Variants in PRMT1 observed in about 807,000 individuals in gnomAD.
The protein encoded by PRMT1 is protein arginine N-methyltransferase 1.
Under a neutral mutation model 47.4 loss-of-function variants are expected in PRMT1, and 5 were observed. The ratio of observed to expected loss-of-function variants is 0.11; its 90% CI spans 0.06 to 0.22. PRMT1 has a LOEUF of 0.22. Among genes scored for constraint, PRMT1 ranks in the 10% least tolerant of loss-of-function variants. The pLI is 1.00. For synonymous variants in PRMT1, 227 were observed against 204.6 expected (o/e 1.11, Z -0.94); for missense variants, 249 against 518.4 (o/e 0.48, Z 5.05).
chr19:49,684,689 G>T lies in PRMT1; in HGVS notation c.556-65G>T. The stretch of plus-strand genomic sequence containing the variant: ...AGACCAGGGCAGGAGGCCACATCTT[G>T]GAGGCAAGACTCAGGGTAGTGTTGC... On this transcript the variant is annotated intron_variant, in intron 6 of 10. Coordinates refer to ENST00000454376, the MANE Select transcript of PRMT1 (RefSeq NM_001536.6). The surrounding 1 kb of genome is among the most constrained non-coding windows in gnomAD (Gnocchi z 6.2). The T allele has an allele frequency of 6.7e-7, 1 of 1,499,604 alleles. No individual in the cohort carries two copies. The highest frequency in any genetic ancestry group is 9.1e-7 in the Non-Finnish European group (1 of 1,103,616). The allele number at this position is 1,499,604 out of a possible 1,614,324, so 92.9% of individuals were successfully genotyped here.
Position 49,685,690 on chromosome 19 carries a change from C to G in PRMT1, c.760-403C>G, listed in dbSNP as rs1177621350. ...GGAGACTACAGGGGCAGGGACCCCA[C>G]TCGGGCCACCCTCCTGAGAGCCAGG... On this transcript the variant is annotated intron_variant, in intron 8 of 10. Transcript: ENST00000454376. This position sits in a 1 kb window ranked among gnomAD's most constrained non-coding sequence, Gnocchi z 4.7. 1 of 1,036,200 alleles carries G rather than the reference C, an allele frequency of 9.7e-7. No homozygotes were observed. The highest frequency in any genetic ancestry group is 1.2e-6 in the Non-Finnish European group (1 of 861,358). 64.2% of individuals were successfully genotyped at this position (1,036,200 alleles called of 1,614,324 possible).
rs1040169076 is a variant in PRMT1 at position 49,681,175 on chromosome 19, G to T, written c.192+587G>T. Reference sequence around the variant, plus strand: ...GGTGATCCCCCCACTTCCACTTTCGGAGTAGCTGGGACCACAGGCGCGCGC... The same window carrying T: ...GGTGATCCCCCCACTTCCACTTTCGTAGTAGCTGGGACCACAGGCGCGCGC... On this transcript the variant is annotated intron_variant, in intron 3 of 10. Coordinates refer to ENST00000454376, the MANE Select transcript of PRMT1 (RefSeq NM_001536.6). This position sits in a 1 kb window ranked among gnomAD's most constrained non-coding sequence, Gnocchi z 4.4. Among the ~76,000 whole-genome samples the T allele has an allele frequency of 2.0e-5, 3 of 152,152 alleles. No individual in the cohort carries two copies.
intron 1 of PRMT1, 112 bp downstream of exon 1, chr19:49,677,428 C>T (rs900547700): frequency 3.2e-6 from 3 of 930,876 alleles, no homozygotes; most frequent in African/African-American, 3.4e-5. Context: ...AGGTCCCCCG[C>T]CGCACACGGG....
intron 10 of PRMT1, among the ~76,000 whole-genome samples, chr19:49,687,120 C>G (rs2082219518): frequency 6.6e-6 from 1 of 152,078 alleles, no homozygotes; most frequent in Non-Finnish European, 1.5e-5. Flanking sequence ...GAGGCAGCCC[C>G]CAGTAGAGTG....
rs201011379 is a variant in PRMT1, at chr19:49,686,256, C to G, written c.910+13C>G. 1,293 of 1,582,610 alleles carry G rather than the reference C, an allele frequency of 8.2e-4. 11 individuals carry two copies. The African/African-American group carries it at 0.015, about 18-fold the overall frequency. ...GGCTTCTCCACCAGTGAGGCGGGGCCCACAGGGCTGGGGGCCGTTCCCGAG... is the reference window on the plus strand; with the variant it reads ...GGCTTCTCCACCAGTGAGGCGGGGCGCACAGGGCTGGGGGCCGTTCCCGAG... On this transcript the variant is annotated intron_variant, in intron 9 of 10. Coordinates refer to ENST00000454376, the MANE Select transcript of PRMT1 (RefSeq NM_001536.6).
intron 9 of PRMT1, 133 bp downstream of exon 9, chr19:49,686,376 G>A (rs2082204663): frequency 1.5e-6 from 2 of 1,337,680 alleles, no homozygotes; most frequent in African/African-American, 3.0e-5. Context: ...GCTCTGCCAT[G>A]TAGCAGTCAC....
chr19:49,681,229 TC>T lies in PRMT1; in HGVS notation c.192+642del, dbSNP rs2082114147. Among the ~76,000 whole-genome samples, 1 of 152,066 alleles carries T rather than the reference TC, an allele frequency of 6.6e-6. No homozygotes were observed. Among genetic ancestry groups the T allele is most frequent in the South Asian group, 2.1e-4 (1 of 4,834 alleles). On this transcript the variant is annotated intron_variant, in intron 3 of 10. Transcript: ENST00000454376. This position sits in a 1 kb window ranked among gnomAD's most constrained non-coding sequence, Gnocchi z 4.4. ...CACGCCCAGCTGATGTTCTTATTTT[TC>T]TGTAGAGATAATCTTGCCTTGTTGC...
chr19:49,679,728 T>A, intron 1 of PRMT1, 144 bp from the exon 2 acceptor site: 5 of 627,818 alleles, frequency 8.0e-6, no homozygotes, highest in East Asian at 3.1e-5. Flanking sequence ...CCCCACCTCA[T>A]TACTTGCCCC....
chr19:49,687,260 G>C (rs2082221714), intron 10 of PRMT1, among the ~76,000 whole-genome samples: 1 of 152,136 alleles, frequency 6.6e-6, no homozygotes, highest in Non-Finnish European at 1.5e-5. Flanking sequence ...GGGCTTCCGG[G>C]GGAGCTGGGG....
In PRMT1 at chr19:49,685,032, A is replaced by G; in HGVS notation, c.754A>G (p.Ile252Val). The G allele has an allele frequency of 1.2e-6, 2 of 1,613,900 alleles. No individual in the cohort carries two copies. The highest frequency in any genetic ancestry group is 1.7e-6 in the Non-Finnish European group (2 of 1,179,890). Reference protein sequence around the residue: ...PKQLVTNACLIKEVDIYTVKV... With the variant: ...PKQLVTNACLVKEVDIYTVKV... ...ACAGCTGGTCACCAACGCCTGCCTC[A>G]TAAAGGTGAGGGGGTGGGCATGGCC... The change falls in exon 8 of 11, where the codon ATA becomes GTA. Residue 252 changes from isoleucine to valine, a missense_variant. Transcript: ENST00000454376. This position sits in a 1 kb window ranked among gnomAD's most constrained non-coding sequence, Gnocchi z 4.7.
Position 49,688,095 on chromosome 19 carries a change from G to A in PRMT1, c.1033-67G>A. On this transcript the variant is annotated intron_variant, in intron 10 of 10. Coordinates refer to ENST00000454376, the MANE Select transcript of PRMT1 (RefSeq NM_001536.6). The surrounding 1 kb of genome is among the most constrained non-coding windows in gnomAD (Gnocchi z 5.3). ...AGCCCGGCTCATCGTCGCATAGCCT[G>A]CCTGCACCCGCCCCCCGCCACCACC... is the stretch of plus-strand genomic sequence containing the variant. The A allele has an allele frequency of 7.2e-7, 1 of 1,382,610 alleles. No homozygotes were observed. The highest frequency in any genetic ancestry group is 1.2e-5 in the South Asian group (1 of 86,442). 85.6% of individuals were successfully genotyped at this position (1,382,610 alleles called of 1,614,324 possible).
At chr19:49,682,376 C>A in intron 5 of PRMT1, 117 bp downstream of exon 5, 2 of 1,138,654 alleles carry the variant, frequency 1.8e-6, no homozygotes, top group Non-Finnish European at 1.3e-6. Flanking sequence ...AGCTCCCAAC[C>A]CATGGTCTTT....
At position 49,684,663 on chromosome 19, in the gene PRMT1, C is replaced by T; in HGVS notation, c.556-91C>T. On this transcript the variant is annotated intron_variant, in intron 6 of 10. Transcript: ENST00000454376. This position sits in a 1 kb window ranked among gnomAD's most constrained non-coding sequence, Gnocchi z 6.2. ...GTGCCGCTGCGACATGAGGGTGGCC[C>T]AGACCAGGGCAGGAGGCCACATCTT... The T allele has an allele frequency of 1.4e-6, 2 of 1,393,598 alleles. No individual in the cohort carries two copies. Among genetic ancestry groups the T allele is most frequent in the Non-Finnish European group, 2.0e-6 (2 of 1,011,702 alleles). The allele number at this position is 1,393,598 out of a possible 1,614,324, so 86.3% of individuals were successfully genotyped here.
intron 5 of PRMT1, chr19:49,683,692 A>AC: frequency 2.6e-6 from 1 of 389,032 alleles, no homozygotes; most frequent in Admixed American, 4.0e-5. Context: ...CGTCTCAAAA[A>AC]AAAAAAAAAA....
rs1192531082 is a variant in PRMT1 at position 49,680,257 on chromosome 19, TC to T, written c.91-229del. ...AGAGATGGTAGGCGTGGCTGAGGTA[TC>T]GGGGTGCTCCCCTGGATGGTGCTCT... On this transcript the variant is annotated intron_variant, in intron 2 of 10. Coordinates refer to ENST00000454376, the MANE Select transcript of PRMT1 (RefSeq NM_001536.6). The surrounding 1 kb of genome is among the most constrained non-coding windows in gnomAD (Gnocchi z 4.2). 1 of 1,554,652 alleles carries T rather than the reference TC, an allele frequency of 6.4e-7. No individual in the cohort carries two copies. Among genetic ancestry groups the T allele is most frequent in the East Asian group, 2.3e-5 (1 of 43,294 alleles).
At chr19:49,683,155 G>A (rs1275715736) in intron 5 of PRMT1, among the ~76,000 whole-genome samples, 1 of 151,266 alleles carries the variant, frequency 6.6e-6, no homozygotes, top group African/African-American at 2.4e-5. Flanking sequence ...CTGACCTCAG[G>A]TGATCCATCC....
chr19:49,679,563 G>T (rs1310966152), intron 1 of PRMT1: 1 of 663,064 alleles, frequency 1.5e-6, no homozygotes, highest in Non-Finnish European at 2.8e-6. Context: ...GGCGGTGGTG[G>T]GTGCCAATTC....
At chr19:49,679,758 C>T (rs2082087926) in intron 1 of PRMT1, 114 bp from the exon 2 acceptor site, 9 of 778,030 alleles carry the variant, frequency 1.2e-5, no homozygotes, top group Non-Finnish European at 2.0e-5. Context: ...CACTCCCCAC[C>T]AAGAAGGAGA....
In PRMT1 at chr19:49,684,783, G is replaced by C; in HGVS notation, c.585G>C (p.Arg195=). The C allele has an allele frequency of 6.4e-7, 1 of 1,569,268 alleles. No homozygotes were observed. The highest frequency in any genetic ancestry group is 8.6e-7 in the Non-Finnish European group (1 of 1,157,038). The change falls in exon 7 of 11, where the codon CGG becomes CGC. Residue 195 remains arginine, a synonymous_variant. Transcript: ENST00000454376. This position sits in a 1 kb window ranked among gnomAD's most constrained non-coding sequence, Gnocchi z 6.2. ...CCGATGGCCTCATCTTCCCAGACCG[G>C]GCCACGCTGTATGTGACGGCCATCG... is the stretch of plus-strand genomic sequence containing the variant. ...LAPDGLIFPD[R]ATLYVTAIED... is the part of the protein sequence containing the mutation.
Sources: allele counts gnomAD v4.1 joint callset (sites outside exome capture counted in the v4.1 genomes callset), GRCh38; gene constraint gnomAD v4.1.1; non-coding constraint Gnocchi (gnomAD v3.1); transcripts MANE v1.5; gene names NCBI Gene and HGNC (gene_info 2026-07-23, HGNC 2026-07-21).